SUMF1: variants seen among roughly 807,000 people sequenced by gnomAD.
The protein encoded by SUMF1 is formylglycine-generating enzyme.
A neutral mutation model predicts 47.6 loss-of-function variants in SUMF1; 48 were observed. That is an observed-to-expected ratio of 1.01 (90% CI 0.80 to 1.28). The LOEUF (loss-of-function observed/expected upper bound fraction) is 1.28, where lower values mean the gene tolerates loss of function less well. SUMF1 is among the 50% of genes most tolerant of loss of function. The pLI, the probability that SUMF1 is intolerant of heterozygous loss-of-function variation, is 0.00. For missense variants in SUMF1, 571 were observed against 485.4 expected (o/e 1.18, Z -1.66); for synonymous variants, 230 against 192.1 (o/e 1.20, Z -1.63).
At chr3:4,271,200 A>G (rs1241520600) in intron 8 of SUMF1, among the ~76,000 whole-genome samples, 1 of 152,190 alleles carries the variant, frequency 6.6e-6, no homozygotes. Context: ...AAAAGTTTTT[A>G]ACTCCTGAAA....
intron 7 of SUMF1, among the ~76,000 whole-genome samples, chr3:4,410,505 C>G (rs1455068601): frequency 6.6e-6 from 1 of 152,142 alleles, no homozygotes; most frequent in Non-Finnish European, 1.5e-5. Flanking sequence ...ATGATAAATA[C>G]CACCTAGCAG....
intron 8 of SUMF1, among the ~76,000 whole-genome samples, chr3:4,241,919 G>A (rs1032370489): frequency 1.3e-5 from 2 of 152,126 alleles, no homozygotes; most frequent in African/African-American, 2.4e-5. Flanking sequence ...ATAACACACA[G>A]GGAAGTTGAC....
At chr3:4,420,740 A>G (rs561641574) in intron 3 of SUMF1, among the ~76,000 whole-genome samples, 8 of 152,218 alleles carry the variant, frequency 5.3e-5, no homozygotes, top group African/African-American at 1.4e-4. Context: ...AATCCTCTAT[A>G]ATCTCTAACA....
intron 8 of SUMF1, among the ~76,000 whole-genome samples, chr3:4,223,494 A>G (rs528090504): frequency 1.3e-5 from 2 of 152,198 alleles, no homozygotes; most frequent in South Asian, 4.2e-4. Context: ...TTGGTTTTTC[A>G]TCACTTTCCT....
rs748118191 is a variant in SUMF1, at chr3:4,105,258, T to A, written c.1015-36513A>T. Among the ~76,000 whole-genome samples, 8 of 152,118 alleles carry A rather than the reference T, an allele frequency of 5.3e-5. 1 individual carries two copies. The highest frequency in any genetic ancestry group is 8.8e-5 in the Non-Finnish European group (6 of 68,028). On this transcript the variant is annotated intron_variant and NMD_transcript_variant, in intron 8 of 12. Transcript: ENST00000448413. ...AGAATGAGAAAAGGGGAGATGTCTG[T>A]CAAATGCACAGAGTTTTAGTTAAAC...
At chr3:4,356,535 C>T (rs1699621731), downstream of SUMF1, among the ~76,000 whole-genome samples, 1 of 152,006 alleles carries the variant, frequency 6.6e-6, no homozygotes, top group South Asian at 2.1e-4. Flanking sequence ...CTTGCTAGTA[C>T]ATTACTTACT....
At chr3:4,138,013 G>A (rs1693984980) in intron 8 of SUMF1, among the ~76,000 whole-genome samples, 1 of 152,010 alleles carries the variant, frequency 6.6e-6, no homozygotes, top group Non-Finnish European at 1.5e-5. Context: ...TTTCAATACA[G>A]TAGAAATGAA....
At chr3:4,210,292 T>C (rs1574980548) in intron 8 of SUMF1, among the ~76,000 whole-genome samples, 2 of 152,194 alleles carry the variant, frequency 1.3e-5, no homozygotes, top group South Asian at 2.1e-4. Context: ...TCTACATTTA[T>C]TGGAAAATGT....
chr3:4,119,753 T>A (rs766883009), intron 8 of SUMF1, among the ~76,000 whole-genome samples: 2 of 152,026 alleles, frequency 1.3e-5, no homozygotes, highest in Non-Finnish European at 2.9e-5. Flanking sequence ...CAAGTTCTCA[T>A]GTATTTAGCT....
chr3:4,289,230 A>T (rs1469482133), intron 8 of SUMF1, among the ~76,000 whole-genome samples: 1 of 152,250 alleles, frequency 6.6e-6, no homozygotes, highest in Non-Finnish European at 1.5e-5. Context: ...GGAGGCCAAG[A>T]TAGTCCCACT....
At chr3:4,465,089 A>G (rs145184539) in intron 1 of SUMF1, among the ~76,000 whole-genome samples, 2 of 152,390 alleles carry the variant, frequency 1.3e-5, no homozygotes, top group Non-Finnish European at 2.9e-5. Flanking sequence ...AGGAATCTAG[A>G]TAAAATTTTG....
At chr3:4,225,445 G>C (rs530367769) in intron 8 of SUMF1, among the ~76,000 whole-genome samples, 1 of 152,108 alleles carries the variant, frequency 6.6e-6, no homozygotes. Context: ...TTCACATACA[G>C]TAAGCACCCA....
At chr3:4,081,147 A>G (rs886479732) in intron 8 of SUMF1, among the ~76,000 whole-genome samples, 1 of 152,142 alleles carries the variant, frequency 6.6e-6, no homozygotes, top group Admixed American at 6.5e-5. Context: ...TTTACAGATA[A>G]AGAAACTAAA....
At chr3:4,262,662 C>A (rs548122882) in intron 8 of SUMF1, among the ~76,000 whole-genome samples, 4 of 152,146 alleles carry the variant, frequency 2.6e-5, no homozygotes, top group Admixed American at 2.0e-4. Context: ...AGCAGAAAGG[C>A]ATGCCTCTTT....
At chr3:4,060,558 C>G (rs1178480022) in intron 9 of SUMF1, among the ~76,000 whole-genome samples, 1 of 152,076 alleles carries the variant, frequency 6.6e-6, no homozygotes, top group African/African-American at 2.4e-5. Flanking sequence ...TGGGTAGGAC[C>G]CCATATTCAA....
intron 9 of SUMF1, among the ~76,000 whole-genome samples, chr3:4,058,569 G>C (rs1018448586): frequency 2.0e-5 from 3 of 152,010 alleles, no homozygotes; most frequent in African/African-American, 7.3e-5. Context: ...GAGAGTAAGA[G>C]GAAAATGAAG....
intron 3 of SUMF1, among the ~76,000 whole-genome samples, chr3:4,446,934 T>G (rs932307382): frequency 3.3e-5 from 5 of 152,208 alleles, no homozygotes; most frequent in African/African-American, 1.2e-4. Context: ...AAACTTTGCA[T>G]GTACACCTGG....
intron 8 of SUMF1, among the ~76,000 whole-genome samples, chr3:4,247,179 A>G (rs1696689985): frequency 6.6e-6 from 1 of 152,222 alleles, no homozygotes. Context: ...TGTCAGCAAC[A>G]GAAGCAAAAC....
intron 9 of SUMF1, among the ~76,000 whole-genome samples, chr3:4,054,145 T>C (rs551151805): frequency 6.6e-6 from 1 of 151,172 alleles, no homozygotes; most frequent in East Asian, 2.0e-4. Context: ...ATACCATTTG[T>C]TGAGCTGACA....
Sources: gnomAD v4.1 joint callset for allele counts (sites outside exome capture counted in the v4.1 genomes callset) on GRCh38, gnomAD v4.1.1 for gene constraint, MANE v1.5 for transcripts, NCBI Gene and HGNC (gene_info 2026-07-23, HGNC 2026-07-21) for gene names.